CYP2J2: variants seen among roughly 807,000 people sequenced by gnomAD.
The protein encoded by CYP2J2 is cytochrome P450 family 2 subfamily J member 2.
CYP2J2 carries 41 observed loss-of-function variants against 48.8 expected under a neutral mutation model. That is an observed-to-expected ratio of 0.84 (90% CI 0.66 to 1.09). The LOEUF (loss-of-function observed/expected upper bound fraction) is 1.09. CYP2J2 is among the 50% of genes least tolerant of loss of function. CYP2J2 has a pLI of 0.00. For synonymous variants in CYP2J2, 221 were observed against 227.1 expected (o/e 0.97, Z 0.24); for missense variants, 644 against 617.3 (o/e 1.04, Z -0.46).
Position 59,900,857 on chromosome 1 carries a change from C to T in CYP2J2, c.1330+108G>A, listed in dbSNP as rs1644313080. On this transcript the variant is annotated intron_variant, in intron 8 of 8. Transcript: ENST00000371204. ...AGCAAGATGGAGTGAGTCGCACTGG[C>T]CAGGCTGTCTGGAGACATTCCAATG... is the stretch of plus-strand genomic sequence containing the variant. 6 of 1,325,964 alleles carry T rather than the reference C, an allele frequency of 4.5e-6. No homozygotes were observed. In the Admixed American group the frequency reaches 1.1e-4, roughly 24 times the overall value. 82.1% of individuals were successfully genotyped at this position (1,325,964 alleles called of 1,614,324 possible). A position where few individuals can be genotyped will look rare whatever the true frequency, so the allele number is the denominator to read the frequency against.
At chr1:59,898,901 G>C (rs561813621) in intron 8 of CYP2J2, among the ~76,000 whole-genome samples, 1 of 152,188 alleles carries the variant, frequency 6.6e-6, no homozygotes, top group South Asian at 2.1e-4. Context: ...CAAAGCAGCA[G>C]TGAGTCACCA....
intron 6 of CYP2J2, among the ~76,000 whole-genome samples, chr1:59,905,748 T>C (rs781749451): frequency 1.1e-4 from 17 of 152,204 alleles, no homozygotes; most frequent in Non-Finnish European, 1.2e-4. Flanking sequence ...TCACATGAAC[T>C]GATGTTTTGA....
chr1:59,928,092 CTTAAT>C (rs1237142283), upstream of CYP2J2, among the ~76,000 whole-genome samples: 3 of 152,162 alleles, frequency 2.0e-5, no homozygotes, highest in East Asian at 1.9e-4. Flanking sequence ...CTCTAATTCA[CTTAAT>C]TTAATAGATG....
the CYP2J2 span, among the ~76,000 whole-genome samples, chr1:59,935,031 TATATATATATATATATATATAC>T: frequency 2.8e-3 from 286 of 102,484 alleles, no homozygotes; most frequent in African/African-American, 0.011. Context: ...TATATATATA[TATATATATATATATATATATAC>T]ACAACAGAAT....
At chr1:59,915,316 G>T (rs1276746271) in intron 2 of CYP2J2, among the ~76,000 whole-genome samples, 3 of 152,096 alleles carry the variant, frequency 2.0e-5, no homozygotes, top group African/African-American at 4.8e-5. Flanking sequence ...TCAGTCTCTT[G>T]TCCCACTTGA....
At chr1:59,938,417 T>C in the CYP2J2 span, among the ~76,000 whole-genome samples, 4 of 152,206 alleles carry the variant, frequency 2.6e-5, no homozygotes, top group Admixed American at 1.3e-4. Context: ...CAAGAAAACA[T>C]GTGAGCAAAG....
chr1:59,895,089 CA>C (rs1397236200), intron 8 of CYP2J2, among the ~76,000 whole-genome samples: 1 of 152,216 alleles, frequency 6.6e-6, no homozygotes, highest in Non-Finnish European at 1.5e-5. Flanking sequence ...CCAACATAGT[CA>C]AAATGCAACC....
At chr1:59,910,271 T>G (rs1202324267) in intron 4 of CYP2J2, among the ~76,000 whole-genome samples, 1 of 152,216 alleles carries the variant, frequency 6.6e-6, no homozygotes, top group African/African-American at 2.4e-5. Flanking sequence ...TTGTTCATAT[T>G]TTTCAGGCAC....
the CYP2J2 span, among the ~76,000 whole-genome samples, chr1:59,958,669 T>C: frequency 2.6e-5 from 4 of 152,224 alleles, no homozygotes; most frequent in Non-Finnish European, 5.9e-5. Flanking sequence ...TTTCCACATG[T>C]CCTCTTTTCA....
chr1:59,957,141 T>C, the CYP2J2 span, among the ~76,000 whole-genome samples: 1 of 152,206 alleles, frequency 6.6e-6, no homozygotes, highest in Non-Finnish European at 1.5e-5. Flanking sequence ...TTTTTGTTTT[T>C]AAACCATTAA....
At chr1:59,940,573 T>C in the CYP2J2 span, among the ~76,000 whole-genome samples, 1 of 152,204 alleles carries the variant, frequency 6.6e-6, no homozygotes, top group Non-Finnish European at 1.5e-5. Context: ...GAACTAAAAA[T>C]AGAACTACCC....
At chr1:59,945,222 G>T in the CYP2J2 span, among the ~76,000 whole-genome samples, 1 of 151,908 alleles carries the variant, frequency 6.6e-6, no homozygotes, top group South Asian at 2.1e-4. Flanking sequence ...TTCTTTTGTG[G>T]TTTAATTTTT....
chr1:59,925,439 C>T (rs1644555592), intron 1 of CYP2J2, among the ~76,000 whole-genome samples: 1 of 152,104 alleles, frequency 6.6e-6, no homozygotes, highest in African/African-American at 2.4e-5. Context: ...ATTTAATCAA[C>T]CTTAACATAT....
At chr1:59,907,135 T>C (rs746373945) in intron 6 of CYP2J2, among the ~76,000 whole-genome samples, 2 of 152,136 alleles carry the variant, frequency 1.3e-5, no homozygotes, top group Non-Finnish European at 2.9e-5. Flanking sequence ...TAAAGGCACA[T>C]TACATCATCT....
At chr1:59,945,407 CATCTATCTATCTATCT>C in the CYP2J2 span, among the ~76,000 whole-genome samples, 122 of 148,920 alleles carry the variant, frequency 8.2e-4, no homozygotes, top group African/African-American at 2.5e-3. Context: ...CTCTTTCTGT[CATCTATCTATCTATCT>C]ATCTATCTAT....
intron 2 of CYP2J2, chr1:59,912,739 T>A (rs1271371247): frequency 6.0e-6 from 1 of 167,116 alleles, no homozygotes; most frequent in Non-Finnish European, 1.3e-5. Context: ...TAAGTAAAGT[T>A]AAGTATTTAT....
At chr1:59,936,803 G>A in the CYP2J2 span, among the ~76,000 whole-genome samples, 2 of 152,276 alleles carry the variant, frequency 1.3e-5, no homozygotes, top group Admixed American at 1.3e-4. Flanking sequence ...TCTGGAACCA[G>A]TTTTCAAAGG....
At chr1:59,898,207 G>A (rs1644286281) in intron 8 of CYP2J2, among the ~76,000 whole-genome samples, 1 of 152,134 alleles carries the variant, frequency 6.6e-6, no homozygotes, top group Admixed American at 6.5e-5. Context: ...CCTTAAACTG[G>A]GGCTGGCCTT....
the CYP2J2 span, among the ~76,000 whole-genome samples, chr1:59,960,269 G>C: frequency 6.6e-6 from 1 of 152,312 alleles, no homozygotes; most frequent in South Asian, 2.1e-4. Context: ...AATTCTCATG[G>C]AGAAACTCTG....
Sources: allele counts gnomAD v4.1 joint callset (sites outside exome capture counted in the v4.1 genomes callset), GRCh38; gene constraint gnomAD v4.1.1; transcripts MANE v1.5; gene names NCBI Gene and HGNC (gene_info 2026-07-23, HGNC 2026-07-21).